Variants in PPARGC1A observed in about 807,000 individuals in gnomAD.
PPARGC1A encodes peroxisome proliferator-activated receptor gamma coactivator 1-alpha.
In PPARGC1A, 25 loss-of-function variants were observed where a neutral mutation model predicts 88.7. That is an observed-to-expected ratio of 0.28 (90% confidence interval 0.21 to 0.39). The LOEUF (loss-of-function observed/expected upper bound fraction) is 0.39. Among genes scored for constraint, PPARGC1A ranks in the 10% least tolerant of loss-of-function variants. The probability of loss-of-function intolerance (pLI) is 1.00; values close to 1 mark genes in which losing one functional copy is unlikely to be tolerated. For synonymous variants in PPARGC1A, 363 were observed against 355.6 expected (o/e 1.02, Z -0.24); for missense variants, 880 against 968.7 (o/e 0.91, Z 1.22).
At chr4:24,278,803 T>C in the PPARGC1A span, among the ~76,000 whole-genome samples, 12 of 152,236 alleles carry the variant, frequency 7.9e-5, no homozygotes, top group South Asian at 2.5e-3. Flanking sequence ...TTTTTTTTAC[T>C]TCCCCCTCAC....
At chr4:23,870,081 CACTT>C (rs1032955443) in intron 2 of PPARGC1A, among the ~76,000 whole-genome samples, 4 of 152,158 alleles carry the variant, frequency 2.6e-5, no homozygotes, top group African/African-American at 4.8e-5. Context: ...ACACAGGAAA[CACTT>C]ACAGGATAAT....
At chr4:24,015,981 G>A in the PPARGC1A span, among the ~76,000 whole-genome samples, 1 of 152,176 alleles carries the variant, frequency 6.6e-6, no homozygotes, top group Non-Finnish European at 1.5e-5. Flanking sequence ...ACTGGAAGCT[G>A]ATAAAGCATG....
chr4:24,397,649 T>A, the PPARGC1A span, among the ~76,000 whole-genome samples: 1 of 152,298 alleles, frequency 6.6e-6, no homozygotes, highest in East Asian at 1.9e-4. Context: ...TCTTGGTTGT[T>A]GAGGTGGTTT....
the PPARGC1A span, among the ~76,000 whole-genome samples, chr4:24,446,189 A>G: frequency 2.0e-5 from 3 of 152,242 alleles, no homozygotes; most frequent in East Asian, 3.8e-4. Flanking sequence ...CAAAGCCAAG[A>G]TAAGAAGGAC....
chr4:24,422,454 C>G, the PPARGC1A span, among the ~76,000 whole-genome samples: 1 of 152,094 alleles, frequency 6.6e-6, no homozygotes, highest in African/African-American at 2.4e-5. Context: ...TTTTATTAAC[C>G]TCTTTCCCAT....
At chr4:24,440,293 G>C in the PPARGC1A span, among the ~76,000 whole-genome samples, 67 of 152,282 alleles carry the variant, frequency 4.4e-4, no homozygotes, top group African/African-American at 1.5e-3. Context: ...GCACATAGTA[G>C]GTCCTCAGGA....
At chr4:24,090,958 A>G in the PPARGC1A span, among the ~76,000 whole-genome samples, 3 of 152,256 alleles carry the variant, frequency 2.0e-5, no homozygotes, top group African/African-American at 2.4e-5. Flanking sequence ...AACTCTCTGC[A>G]TACCACAGAG....
At chr4:24,368,564 C>T in the PPARGC1A span, among the ~76,000 whole-genome samples, 1 of 151,980 alleles carries the variant, frequency 6.6e-6, no homozygotes, top group Admixed American at 6.6e-5. Context: ...AGGTGGACTT[C>T]AAAATTTTAG....
chr4:24,103,785 C>T, the PPARGC1A span, among the ~76,000 whole-genome samples: 1 of 152,156 alleles, frequency 6.6e-6, no homozygotes, highest in Non-Finnish European at 1.5e-5. Flanking sequence ...GAGGAACTAT[C>T]TCGCAGTCTT....
chr4:24,281,533 A>G, the PPARGC1A span, among the ~76,000 whole-genome samples: 4 of 152,306 alleles, frequency 2.6e-5, no homozygotes, highest in South Asian at 2.1e-4. Flanking sequence ...CTTATGAAGG[A>G]TCCACTCCCA....
At chr4:24,132,357 G>C in the PPARGC1A span, among the ~76,000 whole-genome samples, 1 of 151,794 alleles carries the variant, frequency 6.6e-6, no homozygotes, top group Non-Finnish European at 1.5e-5. Context: ...TGTGAAGAAA[G>C]CGATAACTGC....
At chr4:24,236,549 C>A in the PPARGC1A span, among the ~76,000 whole-genome samples, 17 of 152,160 alleles carry the variant, frequency 1.1e-4, no homozygotes, top group Non-Finnish European at 2.2e-4. Flanking sequence ...ACTGCACTTG[C>A]CATGCCAACA....
At chr4:23,931,828 C>T in the PPARGC1A span, among the ~76,000 whole-genome samples, 1,036 of 152,262 alleles carry the variant, frequency 6.8e-3, 7 homozygotes, top group Admixed American at 9.7e-3. Flanking sequence ...GAAGTTATGA[C>T]GATCTTTGGA....
chr4:24,299,846 A>G, the PPARGC1A span, among the ~76,000 whole-genome samples: 6 of 152,190 alleles, frequency 3.9e-5, no homozygotes, highest in African/African-American at 1.4e-4. Context: ...CAGGCTAGAA[A>G]GCACCATTTT....
intron 7 of PPARGC1A, among the ~76,000 whole-genome samples, chr4:23,816,707 G>A (rs192626372): frequency 2.0e-5 from 3 of 152,104 alleles, no homozygotes; most frequent in Non-Finnish European, 2.9e-5. Context: ...ATCCAACTCC[G>A]TAAATCTTTG....
the PPARGC1A span, among the ~76,000 whole-genome samples, chr4:23,918,800 G>A: frequency 6.6e-6 from 1 of 152,068 alleles, no homozygotes; most frequent in Non-Finnish European, 1.5e-5. Context: ...GATCATTCCA[G>A]GGCTCTGGAA....
the PPARGC1A span, among the ~76,000 whole-genome samples, chr4:23,961,926 G>A: frequency 6.6e-6 from 1 of 152,100 alleles, no homozygotes; most frequent in African/African-American, 2.4e-5. Flanking sequence ...AAGCTGTTTT[G>A]AAGGCCCTGG....
chr4:24,018,503 G>A, the PPARGC1A span, among the ~76,000 whole-genome samples: 4 of 152,052 alleles, frequency 2.6e-5, no homozygotes, highest in Non-Finnish European at 5.9e-5. Flanking sequence ...ATGAGGGGGG[G>A]CAAACCATGC....
chr4:24,414,514 A>T, the PPARGC1A span, among the ~76,000 whole-genome samples: 1 of 152,138 alleles, frequency 6.6e-6, no homozygotes, highest in African/African-American at 2.4e-5. Flanking sequence ...CCCCATTTAG[A>T]TGATAAATTA....
Sources: allele counts gnomAD v4.1 joint callset (sites outside exome capture counted in the v4.1 genomes callset), GRCh38; gene constraint gnomAD v4.1.1; transcripts MANE v1.5; gene names NCBI Gene and HGNC (gene_info 2026-07-23, HGNC 2026-07-21).